The following SEMA6D variants were observed in gnomAD, a reference collection of about 807,000 sequenced individuals.
SEMA6D encodes semaphorin-6D.
In SEMA6D, 35 loss-of-function variants were observed where a neutral mutation model predicts 106.6. The ratio of observed to expected loss-of-function variants is 0.33; its 90% CI spans 0.25 to 0.44. The LOEUF is 0.44. Ranked by LOEUF, SEMA6D falls within the 20% of genes least tolerant of loss-of-function variation. The pLI is 1.00. For synonymous variants in SEMA6D, 499 were observed against 487.7 expected (o/e 1.02, Z -0.31); for missense variants, 1,185 against 1,345.9 (o/e 0.88, Z 1.87).
intron 4 of SEMA6D, among the ~76,000 whole-genome samples, chr15:47,620,839 G>A (rs1205733937): frequency 6.6e-6 from 1 of 152,024 alleles, no homozygotes; most frequent in Non-Finnish European, 1.5e-5. Context: ...GCAGAGGGAA[G>A]CTGAGGCAGG....
At chr15:47,202,547 A>G (rs768416058) in intron 1 of SEMA6D, among the ~76,000 whole-genome samples, 11 of 152,302 alleles carry the variant, frequency 7.2e-5, no homozygotes, top group Non-Finnish European at 1.3e-4. Flanking sequence ...TCCCAAGGAA[A>G]GAATCAGGGG....
chr15:47,700,819 G>C (rs1034258228), intron 4 of SEMA6D, among the ~76,000 whole-genome samples: 1 of 152,086 alleles, frequency 6.6e-6, no homozygotes, highest in Non-Finnish European at 1.5e-5. Flanking sequence ...ATGGAATGGA[G>C]AGCCCAGATA....
chr15:47,574,876 T>C (rs1338257122), intron 3 of SEMA6D, among the ~76,000 whole-genome samples: 1 of 152,220 alleles, frequency 6.6e-6, no homozygotes, highest in Non-Finnish European at 1.5e-5. Context: ...AAAGTAGTTT[T>C]TGTTTGGTCT....
At chr15:47,651,464 G>C (rs1274469146) in intron 4 of SEMA6D, among the ~76,000 whole-genome samples, 1 of 152,110 alleles carries the variant, frequency 6.6e-6, no homozygotes, top group East Asian at 1.9e-4. Context: ...TCCTCAAAGA[G>C]CTCCTATCAG....
At chr15:47,350,060 T>A (rs538364634) in intron 1 of SEMA6D, among the ~76,000 whole-genome samples, 19 of 152,122 alleles carry the variant, frequency 1.2e-4, no homozygotes, top group Non-Finnish European at 2.2e-4. Flanking sequence ...ACTGGAAAAA[T>A]TTTTGTGTGT....
At chr15:47,591,342 C>G (rs1404686023) in intron 3 of SEMA6D, among the ~76,000 whole-genome samples, 1 of 152,150 alleles carries the variant, frequency 6.6e-6, no homozygotes, top group African/African-American at 2.4e-5. Context: ...TTTGGAGGAA[C>G]ACAAACATGC....
chr15:47,526,797 C>T (rs140635675), intron 3 of SEMA6D, among the ~76,000 whole-genome samples: 2,398 of 151,904 alleles, frequency 0.016, 41 homozygotes, highest in African/African-American at 0.055. Flanking sequence ...AGTGTAGTGG[C>T]GTGATCTCCG....
intron 4 of SEMA6D, among the ~76,000 whole-genome samples, chr15:47,677,827 T>C (rs1015982875): frequency 1.6e-4 from 25 of 152,200 alleles, no homozygotes; most frequent in African/African-American, 6.0e-4. Context: ...CTTAAATTGC[T>C]AGCAATTCTC....
intron 4 of SEMA6D, chr15:47,603,386 C>T: frequency 6.6e-6 from 1 of 152,102 alleles, no homozygotes. Context: ...AACTTCCAAT[C>T]CTGCTTTAGA....
Position 47,551,673 on chromosome 15 carries a change from C to CTGTG in SEMA6D, c.-86-49168_-86-49165dup, listed in dbSNP as rs3050565. 3.0e-4 allele frequency among the ~76,000 whole-genome samples: 42 copies of CTGTG among 141,366 alleles called. 1 individual carries two copies. The highest frequency in any genetic ancestry group is 3.5e-3 in the Middle Eastern group (1 of 286). The allele number at this position is 141,366 out of a possible 152,430, so 92.7% of individuals were successfully genotyped here. On this transcript the variant is annotated intron_variant, in intron 3 of 19. Coordinates refer to the SEMA6D transcript ENST00000558014. ...CCATCGAAGTCTAACATCTGGGACT[C>CTGTG]TGTGTGTGTGTGTGTGTGTGTGTGT...
chr15:47,638,515 T>G (rs1484509575), intron 4 of SEMA6D, among the ~76,000 whole-genome samples: 1 of 152,148 alleles, frequency 6.6e-6, no homozygotes, highest in Non-Finnish European at 1.5e-5. Context: ...TTTATATGAT[T>G]TTTTTCTCTT....
chr15:47,766,018 G>A lies in SEMA6D; in HGVS notation c.1568+9G>A, dbSNP rs546480011. ...TATGGATCATGTAAAAAGTAAGCTC[G>A]TGTTTCTTTACTTACCCTGGGTCTT... is the stretch of plus-strand genomic sequence containing the variant. On this transcript the variant is annotated intron_variant, in intron 14 of 18. Coordinates refer to ENST00000536845, the MANE Select transcript of SEMA6D (RefSeq NM_001358351.3). 2.9e-5 allele frequency: 46 copies of A among 1,602,858 alleles called. No homozygotes were observed. The highest frequency in any genetic ancestry group is 1.1e-4 in the African/African-American group (8 of 74,666).
At chr15:47,527,400 T>G (rs2044797594) in intron 3 of SEMA6D, among the ~76,000 whole-genome samples, 1 of 152,236 alleles carries the variant, frequency 6.6e-6, no homozygotes, top group South Asian at 2.1e-4. Flanking sequence ...CAAAAAAATT[T>G]CTATGATAGC....
chr15:47,335,086 AC>A (rs2037496976), intron 1 of SEMA6D, among the ~76,000 whole-genome samples: 1 of 151,988 alleles, frequency 6.6e-6, no homozygotes, highest in African/African-American at 2.4e-5. Flanking sequence ...TACCTCAAAG[AC>A]CTTTTTTTTG....
intron 4 of SEMA6D, among the ~76,000 whole-genome samples, chr15:47,669,403 A>C (rs1023346933): frequency 1.3e-5 from 2 of 152,184 alleles, no homozygotes; most frequent in African/African-American, 4.8e-5. Flanking sequence ...TGTTTGGCAT[A>C]ATGCCTGGCA....
chr15:47,490,110 T>A (rs999451050), intron 3 of SEMA6D, among the ~76,000 whole-genome samples: 1 of 152,218 alleles, frequency 6.6e-6, no homozygotes, highest in Admixed American at 6.5e-5. Flanking sequence ...TGTGTCACAG[T>A]AGATATCATA....
intron 1 of SEMA6D, among the ~76,000 whole-genome samples, chr15:47,271,942 C>A (rs566291992): frequency 1.7e-3 from 257 of 152,254 alleles, no homozygotes; most frequent in African/African-American, 6.0e-3. Context: ...ACTAGACTTT[C>A]TTTCCAGGAT....
At chr15:47,270,968 A>G (rs556895788) in intron 1 of SEMA6D, among the ~76,000 whole-genome samples, 1 of 152,294 alleles carries the variant, frequency 6.6e-6, no homozygotes, top group Non-Finnish European at 1.5e-5. Flanking sequence ...AGATATAACA[A>G]AGTAAGTTAC....
intron 1 of SEMA6D, among the ~76,000 whole-genome samples, chr15:47,245,571 C>G (rs546637749): frequency 2.0e-5 from 3 of 152,302 alleles, no homozygotes; most frequent in African/African-American, 7.2e-5. Flanking sequence ...ACAGAATGAT[C>G]TAGAGCATCT....
Sources: gnomAD v4.1 joint callset for allele counts (sites outside exome capture counted in the v4.1 genomes callset) on GRCh38, gnomAD v4.1.1 for gene constraint, MANE v1.5 for transcripts, NCBI Gene and HGNC (gene_info 2026-07-23, HGNC 2026-07-21) for gene names.